The following DISP1 variants were observed in gnomAD, a reference collection of about 807,000 sequenced individuals.
DISP1 encodes the protein dispatched RND transporter family member 1.
DISP1 carries 30 observed loss-of-function variants against 37.3 expected under a neutral mutation model. The observed-to-expected ratio is 0.80, with a 90% confidence interval of 0.60 to 1.09. The LOEUF (loss-of-function observed/expected upper bound fraction) is 1.09, where lower values mean the gene tolerates loss of function less well. DISP1 is among the 50% of genes least tolerant of loss of function. The probability of loss-of-function intolerance (pLI) is 0.00; values close to 1 mark genes in which losing one functional copy is unlikely to be tolerated. For synonymous variants in DISP1, 634 were observed against 690.2 expected (o/e 0.92, Z 1.28); for missense variants, 1,598 against 1,879.5 (o/e 0.85, Z 2.77).
chr1:222,877,671 A>G (rs999723722), intron 1 of DISP1, among the ~76,000 whole-genome samples: 1 of 152,252 alleles, frequency 6.6e-6, no homozygotes. Context: ...CTAGCAGGGC[A>G]GACAGATGAT....
chr1:222,915,429 T>C lies in DISP1; in HGVS notation c.-158-13001T>C, dbSNP rs565913753. Among the ~76,000 whole-genome samples the C allele has an allele frequency of 1.3e-4, 20 of 152,010 alleles. No homozygotes were observed. The South Asian group carries it at 4.2e-3, about 32-fold the overall frequency. ...ATCCCATAGGGATGGGAAGGAGGAGTGTATAACATTCCTTCAGTGTGATTG... is the reference window on the plus strand; with the variant it reads ...ATCCCATAGGGATGGGAAGGAGGAGCGTATAACATTCCTTCAGTGTGATTG... On this transcript the variant is annotated intron_variant, in intron 1 of 8. Transcript: ENST00000675850.
chr1:222,853,082 A>T (rs766997094), intron 1 of DISP1, among the ~76,000 whole-genome samples: 40 of 152,326 alleles, frequency 2.6e-4, no homozygotes, highest in Non-Finnish European at 4.4e-4. Flanking sequence ...TAGTTATTTC[A>T]TAGAAAAAAG....
intron 4 of DISP1, among the ~76,000 whole-genome samples, chr1:222,988,136 G>C (rs942128550): frequency 6.6e-6 from 1 of 152,134 alleles, no homozygotes; most frequent in Non-Finnish European, 1.5e-5. Context: ...TATTCTAAAA[G>C]GTTATTCTGT....
intron 1 of DISP1, among the ~76,000 whole-genome samples, chr1:222,922,583 G>A (rs577779758): frequency 1.3e-5 from 2 of 152,052 alleles, no homozygotes; most frequent in Non-Finnish European, 2.9e-5. Flanking sequence ...TGACTGAAAG[G>A]GTGCGCAGAA....
At chr1:222,995,538 C>T (rs1201454533) in intron 8 of DISP1, among the ~76,000 whole-genome samples, 1 of 152,178 alleles carries the variant, frequency 6.6e-6, no homozygotes. Context: ...ATGCTAAACA[C>T]CTTGCTGCTT....
intron 1 of DISP1, among the ~76,000 whole-genome samples, chr1:222,907,778 C>T (rs538288282): frequency 3.5e-4 from 53 of 152,112 alleles, no homozygotes; most frequent in Non-Finnish European, 6.3e-4. Context: ...GGTGAAACCC[C>T]GTCTCTACTA....
chr1:222,845,594 C>T (rs1667852839), intron 1 of DISP1, among the ~76,000 whole-genome samples: 1 of 152,016 alleles, frequency 6.6e-6, no homozygotes, highest in African/African-American at 2.4e-5. Context: ...TAATGCTGTG[C>T]TTTTTGAGTT....
chr1:222,948,025 A>G (rs1160266297), intron 3 of DISP1, among the ~76,000 whole-genome samples: 2 of 152,192 alleles, frequency 1.3e-5, no homozygotes, highest in Non-Finnish European at 2.9e-5. Context: ...AAGAATCACA[A>G]CTGATTTTCA....
intron 1 of DISP1, among the ~76,000 whole-genome samples, chr1:222,923,552 G>A (rs1672924200): frequency 6.6e-6 from 1 of 152,096 alleles, no homozygotes; most frequent in Non-Finnish European, 1.5e-5. Flanking sequence ...TGAAGTACAG[G>A]CAGTAGTGTT....
Position 223,003,201 on chromosome 1 carries a change from C to A in DISP1, c.1804C>A (p.Gln602Lys), listed in dbSNP as rs555036894. The A allele has an allele frequency of 7.3e-5, 118 of 1,614,122 alleles. No individual in the cohort carries two copies. The highest frequency in any genetic ancestry group is 9.9e-5 in the Non-Finnish European group (117 of 1,180,056). Residue 602 changes from glutamine (Q) to lysine (K), a missense_variant, in exon 9 of 9, where the codon CAG (glutamine) becomes AAG (lysine). Physicochemically the swap from Gln to Lys is moderately conservative, Grantham distance 53. Coordinates refer to ENST00000675850, the MANE Select transcript of DISP1 (RefSeq NM_001377229.1). The surrounding 1 kb of genome is among the most constrained non-coding windows in gnomAD (Gnocchi z 4.3). ...CTCAGAAACAGTAAGCATCACCTTG[C>A]AGCACGCTGCCCTCTCCATGTTCGT... is the stretch of plus-strand genomic sequence containing the variant. ...ETSETVSITL[Q>K]HAALSMFVTS...
chr1:222,838,411 T>C (rs961893612), intron 1 of DISP1, among the ~76,000 whole-genome samples: 2 of 152,204 alleles, frequency 1.3e-5, no homozygotes, highest in African/African-American at 4.8e-5. Context: ...TTTTCTAGTG[T>C]CTGGGAGATT....
chr1:222,843,064 T>A (rs17476063), intron 1 of DISP1, among the ~76,000 whole-genome samples: 31,500 of 151,954 alleles, frequency 0.21, 3,596 homozygotes, highest in Non-Finnish European at 0.24. Context: ...TGGACCTTGC[T>A]TTTATAGACA....
chr1:222,973,556 T>C (rs1202961982), intron 3 of DISP1, among the ~76,000 whole-genome samples: 2 of 152,222 alleles, frequency 1.3e-5, no homozygotes, highest in East Asian at 3.8e-4. Context: ...TGTGCCGCCA[T>C]TTATTTAAGA....
In DISP1 at chr1:222,991,246, T is replaced by C. The variant is rs1265883011; in HGVS notation, c.664-274T>C. The stretch of plus-strand genomic sequence containing the variant: ...ATTTTTATAAGATAAAAGTAAGTAT[T>C]TACTAAATGCTTAGGCATGAGTTGG... On this transcript the variant is annotated intron_variant, in intron 5 of 8. Coordinates refer to ENST00000675850, the MANE Select transcript of DISP1 (RefSeq NM_001377229.1). Among the ~76,000 whole-genome samples, 5 of 152,238 alleles carry C rather than the reference T, an allele frequency of 3.3e-5. No individual in the cohort carries two copies. In the East Asian group the frequency reaches 9.6e-4, roughly 29 times the overall value.
rs148158796 is a variant in DISP1 at position 222,946,637 on chromosome 1, C to T, written c.509+3305C>T. Among the ~76,000 whole-genome samples, 612 of 152,268 alleles carry T rather than the reference C, an allele frequency of 4.0e-3. 12 individuals carry two copies. The highest frequency in any genetic ancestry group is 0.017 in the East Asian group (89 of 5,182). Reference sequence around the variant, plus strand: ...GTTGAGACATTCTTTTGCCTTCATACAGCTATAAACTAGTAGGAAGGGAGC... The same window carrying T: ...GTTGAGACATTCTTTTGCCTTCATATAGCTATAAACTAGTAGGAAGGGAGC... On this transcript the variant is annotated intron_variant, in intron 3 of 8. Coordinates refer to ENST00000675850, the MANE Select transcript of DISP1 (RefSeq NM_001377229.1).
chr1:222,982,920 A>G (rs1302794712), intron 3 of DISP1, among the ~76,000 whole-genome samples, 160 bp from the exon 4 acceptor site: 1 of 146,248 alleles, frequency 6.8e-6, no homozygotes, highest in African/African-American at 2.6e-5. Flanking sequence ...ATTGTTTAAA[A>G]TCTCTCAAAT....
At chr1:222,848,525 C>T (rs570958533) in intron 1 of DISP1, among the ~76,000 whole-genome samples, 222 of 152,054 alleles carry the variant, frequency 1.5e-3, no homozygotes, top group Non-Finnish European at 2.7e-3. Flanking sequence ...TCTTTATATA[C>T]AGATAAATTA....
intron 1 of DISP1, among the ~76,000 whole-genome samples, chr1:222,818,146 A>T (rs1201828845): frequency 2.0e-5 from 3 of 150,368 alleles, no homozygotes; most frequent in African/African-American, 4.9e-5. Context: ...AATGATTTGC[A>T]TGGGGGGGTG....
At chr1:222,889,340 C>T (rs1670816463) in intron 1 of DISP1, among the ~76,000 whole-genome samples, 1 of 151,986 alleles carries the variant, frequency 6.6e-6, no homozygotes, top group African/African-American at 2.4e-5. Flanking sequence ...GTCTGCTGAA[C>T]TGATTGAGGA....
Sources: allele counts gnomAD v4.1 joint callset (sites outside exome capture counted in the v4.1 genomes callset), GRCh38; gene constraint gnomAD v4.1.1; non-coding constraint Gnocchi (gnomAD v3.1); transcripts MANE v1.5; gene names NCBI Gene and HGNC (gene_info 2026-07-23, HGNC 2026-07-21).